The following NR5A2 variants were observed in gnomAD, a reference collection of about 807,000 sequenced individuals.
NR5A2 encodes the protein nuclear receptor subfamily 5 group A member 2.
A neutral mutation model predicts 62.7 loss-of-function variants in NR5A2; 26 were observed. The ratio of observed to expected loss-of-function variants is 0.41; its 90% confidence interval spans 0.30 to 0.58. The LOEUF (loss-of-function observed/expected upper bound fraction) is 0.58. Ranked by LOEUF, NR5A2 falls within the 20% of genes least tolerant of loss-of-function variation. NR5A2 has a pLI of 0.22. For synonymous variants in NR5A2, 246 were observed against 241.7 expected, an observed-to-expected ratio of 1.02 and a Z score of -0.16; for missense variants, 541 against 669.1, an observed-to-expected ratio of 0.81 and a Z score of 2.11.
At position 200,039,931 on chromosome 1, in the gene NR5A2, C is replaced by T; in HGVS notation, c.202+136C>T. On this transcript the variant is annotated intron_variant, in intron 2 of 7. Transcript: ENST00000367362. The surrounding 1 kb of genome is among the most constrained non-coding windows in gnomAD (Gnocchi z 5.1). Reference sequence around the variant, plus strand: ...CGCTCGCAGCCGCGGGAGTCAAGCCCCCTCCCCAGGTGCAGGCATAAAAGT... The same window carrying T: ...CGCTCGCAGCCGCGGGAGTCAAGCCTCCTCCCCAGGTGCAGGCATAAAAGT... The T allele has an allele frequency of 2.1e-6, 2 of 942,754 alleles. No homozygotes were observed. The highest frequency in any genetic ancestry group is 3.0e-6 in the Non-Finnish European group (2 of 668,924). The allele number at this position is 942,754 out of a possible 1,614,324, so 58.4% of individuals were successfully genotyped here. A position where few individuals can be genotyped will look rare whatever the true frequency, so the allele number is the denominator to read the frequency against.
chr1:200,166,865 G>A (rs904127237), intron 7 of NR5A2, among the ~76,000 whole-genome samples: 1 of 152,206 alleles, frequency 6.6e-6, no homozygotes, highest in Non-Finnish European at 1.5e-5. Context: ...AGGATTAAAT[G>A]AGAAAACATA....
chr1:200,028,438 A>AAAC (rs1553262622), intron 1 of NR5A2, among the ~76,000 whole-genome samples: 20 of 151,076 alleles, frequency 1.3e-4, no homozygotes, highest in Admixed American at 2.6e-4. Flanking sequence ...AAAAAAAAAA[A>AAAC]AAAAACCAAA....
chr1:200,111,159 A>AT (rs765049666), intron 5 of NR5A2, 43 bp from the exon 6 acceptor site: 17 of 1,599,514 alleles, frequency 1.1e-5, no homozygotes, highest in Non-Finnish European at 1.4e-5. Flanking sequence ...TAACAGTGTC[A>AT]TTTTTTGTTT....
chr1:200,083,537 T>A (rs923807400), intron 5 of NR5A2, among the ~76,000 whole-genome samples: 1 of 152,228 alleles, frequency 6.6e-6, no homozygotes, highest in Non-Finnish European at 1.5e-5. Context: ...TGTCATTAGA[T>A]AATGAAAGGC....
At chr1:200,172,534 C>G (rs189345094) in intron 7 of NR5A2, among the ~76,000 whole-genome samples, 91 of 152,314 alleles carry the variant, frequency 6.0e-4, no homozygotes, top group African/African-American at 2.0e-3. Context: ...TACCAACTCA[C>G]TACATAACTA....
At chr1:200,073,358 G>A (rs2821306) in intron 5 of NR5A2, among the ~76,000 whole-genome samples, 2,916 of 42,028 alleles carry the variant, frequency 0.069, 183 homozygotes, top group South Asian at 0.1. Context: ...ATATATATAT[G>A]CGCACACATA....
intron 2 of NR5A2, among the ~76,000 whole-genome samples, chr1:200,040,809 G>C (rs1013175271): frequency 5.3e-5 from 8 of 152,228 alleles, no homozygotes; most frequent in Non-Finnish European, 7.3e-5. Context: ...CGGCGCGCCC[G>C]GGCGCTCAGG....
chr1:200,154,144 G>A (rs1571566358), intron 7 of NR5A2, among the ~76,000 whole-genome samples: 1 of 152,094 alleles, frequency 6.6e-6, no homozygotes, highest in South Asian at 2.1e-4. Flanking sequence ...CTTCCACAGG[G>A]GTTCCCTGTC....
chr1:200,128,125 CCT>C (rs1199695927), intron 7 of NR5A2, among the ~76,000 whole-genome samples: 3 of 152,010 alleles, frequency 2.0e-5, no homozygotes, highest in African/African-American at 7.3e-5. Context: ...TTCCAGCACC[CCT>C]GTTTATACCA....
chr1:200,077,583 G>A (rs550378133), intron 5 of NR5A2, among the ~76,000 whole-genome samples: 78 of 152,216 alleles, frequency 5.1e-4, no homozygotes, highest in Non-Finnish European at 1.0e-3. Context: ...GCATGGTGGT[G>A]GGTGCCTGTA....
chr1:200,173,936 CTT>C lies in NR5A2; in HGVS notation c.1379-9_1379-8del, dbSNP rs3034024. ...GAATTGAAATGCTATTGAAATGTTG[CTT>C]TTTTTTTTTTTTTTTTTAATGCAGA... On this transcript the variant is annotated intron_variant, in intron 7 of 7. Coordinates refer to ENST00000367362, the MANE Select transcript of NR5A2 (RefSeq NM_205860.3). 55,854 of 1,176,956 alleles carry C rather than the reference CTT, an allele frequency of 0.047. 161 individuals carry two copies. Among genetic ancestry groups the C allele is most frequent in the African/African-American group, 0.087 (5,080 of 58,282 alleles). The allele number at this position is 1,176,956 out of a possible 1,614,324, so 72.9% of individuals were successfully genotyped here.
At chr1:200,134,784 T>C (rs1208219620) in intron 7 of NR5A2, among the ~76,000 whole-genome samples, 1 of 152,200 alleles carries the variant, frequency 6.6e-6, no homozygotes, top group Non-Finnish European at 1.5e-5. Context: ...ATTTTTAAAA[T>C]TGTGATAAAA....
rs1194421919 is a variant in NR5A2 at position 200,039,782 on chromosome 1, G to A, written c.189G>A (p.Pro63=). The change falls in exon 2 of 8, where the codon CCG becomes CCA. Residue 63 remains proline, a synonymous_variant. Transcript: ENST00000367362. The surrounding 1 kb of genome is among the most constrained non-coding windows in gnomAD (Gnocchi z 5.1). ...ARSHGEQGQM[P]ENMQVSQFKM... ...CGCATGGGGAACAGGGCCAGATGCC[G>A]GAAAACATGCAAGGTAAGGAGGCGC... 2 of 1,605,182 alleles carry A rather than the reference G, an allele frequency of 1.2e-6. No homozygotes were observed. Among genetic ancestry groups the A allele is most frequent in the African/African-American group, 2.7e-5 (2 of 73,558 alleles).
intron 5 of NR5A2, among the ~76,000 whole-genome samples, chr1:200,092,466 T>C (rs1664860556): frequency 6.6e-6 from 1 of 152,162 alleles, no homozygotes; most frequent in African/African-American, 2.4e-5. Flanking sequence ...TTAATGCACT[T>C]ACTCCGGGAT....
intron 6 of NR5A2, among the ~76,000 whole-genome samples, chr1:200,116,348 G>GA (rs1260022994): frequency 6.6e-6 from 1 of 151,954 alleles, no homozygotes; most frequent in African/African-American, 2.4e-5. Context: ...TCATAGCAGA[G>GA]AAAAAAGAAA....
chr1:200,103,806 C>T (rs1263325709), intron 5 of NR5A2, among the ~76,000 whole-genome samples: 3 of 152,036 alleles, frequency 2.0e-5, no homozygotes, highest in Non-Finnish European at 4.4e-5. Flanking sequence ...TGAAGATTTT[C>T]GAAGAGAAGT....
At position 200,095,421 on chromosome 1, in the gene NR5A2, C is replaced by T. The variant is rs888239838; in HGVS notation, c.1111-15781C>T. Among the ~76,000 whole-genome samples the T allele has an allele frequency of 2.2e-4, 34 of 152,306 alleles. 1 individual carries two copies. The highest frequency in any genetic ancestry group is 8.2e-4 in the African/African-American group (34 of 41,546). ...TTCAGGGAACAAATATAGAACAATG[C>T]TGCACAAATTCACCTGACCTTGAGC... On this transcript the variant is annotated intron_variant, in intron 5 of 7. Coordinates refer to ENST00000367362, the MANE Select transcript of NR5A2 (RefSeq NM_205860.3).
chr1:200,145,468 T>TGTGTGTG (rs1667654125), intron 7 of NR5A2, among the ~76,000 whole-genome samples: 2 of 142,114 alleles, frequency 1.4e-5, no homozygotes, highest in African/African-American at 5.3e-5. Flanking sequence ...TTGATAGAAT[T>TGTGTGTG]TGTGTGTGTG....
intron 5 of NR5A2, among the ~76,000 whole-genome samples, chr1:200,106,220 C>T (rs1185586384): frequency 6.6e-6 from 1 of 151,802 alleles, no homozygotes; most frequent in Non-Finnish European, 1.5e-5. Context: ...ACCATGCCCA[C>T]CTAATTTTTT....
Sources: gnomAD v4.1 joint callset for allele counts (sites outside exome capture counted in the v4.1 genomes callset) on GRCh38, gnomAD v4.1.1 for gene constraint, Gnocchi (gnomAD v3.1) non-coding constraint, MANE v1.5 for transcripts, NCBI Gene and HGNC (gene_info 2026-07-23, HGNC 2026-07-21) for gene names.